GTF2A1L: variants seen among roughly 807,000 people sequenced by gnomAD.
GTF2A1L encodes the protein general transcription factor IIA subunit 1 like.
GTF2A1L carries 48 observed loss-of-function variants against 49.7 expected under a neutral mutation model. The observed-to-expected ratio is 0.97, with a 90% CI of 0.77 to 1.23. The LOEUF is 1.23. GTF2A1L is among the 50% of genes most tolerant of loss of function. GTF2A1L has a pLI of 0.00. For missense variants in GTF2A1L, 736 were observed against 564.8 expected, an observed-to-expected ratio of 1.30 and a Z score of -3.07; for synonymous variants, 246 against 193.5, an observed-to-expected ratio of 1.27 and a Z score of -2.25.
At chr2:48,647,207 T>G in intron 6 of GTF2A1L, 165 bp downstream of exon 6, 2 of 620,170 alleles carry the variant, frequency 3.2e-6, no homozygotes, top group Non-Finnish European at 5.1e-6. Context: ...AATTTTTAAT[T>G]GTGATAAAAT....
Position 48,625,816 on chromosome 2 carries a change from G to A in GTF2A1L, c.247+4526G>A, listed in dbSNP as rs1676260461. Among the ~76,000 whole-genome samples, 3 of 143,274 alleles carry A rather than the reference G, an allele frequency of 2.1e-5. No homozygotes were observed. In the South Asian group the frequency reaches 7.1e-4, roughly 34 times the overall value. The allele number at this position is 143,274 out of a possible 152,430, so 94.0% of individuals were successfully genotyped here. The stretch of plus-strand genomic sequence containing the variant: ...CAGGCTGGTCTTGAACTCTTGGAAT[G>A]AAGCAATCCTCCTGCCTCGGCCTCC... On this transcript the variant is annotated intron_variant, in intron 3 of 8. Coordinates refer to ENST00000403751, the MANE Select transcript of GTF2A1L (RefSeq NM_006872.5).
chr2:48,674,374 C>A (rs1358457712), intron 8 of GTF2A1L, among the ~76,000 whole-genome samples: 1 of 148,516 alleles, frequency 6.7e-6, no homozygotes, highest in African/African-American at 2.5e-5. Flanking sequence ...CATATTTAGC[C>A]TTTTTTTTTT....
rs1364272582 is a variant in GTF2A1L, at chr2:48,646,893, G to A, written c.829G>A (p.Glu277Lys). The A allele has an allele frequency of 3.7e-6, 6 of 1,614,198 alleles. No individual in the cohort carries two copies. The highest frequency in any genetic ancestry group is 3.4e-6 in the Non-Finnish European group (4 of 1,180,036). Residue 277 changes from glutamate to lysine, a missense_variant, in exon 6 of 9, where the codon GAG becomes AAG. Coordinates refer to ENST00000403751, the MANE Select transcript of GTF2A1L (RefSeq NM_006872.5). ...SASMAQNLHD[E>K]SLSTSPHGAL... is the part of the protein sequence containing the mutation. Reference sequence around the variant, plus strand: ...TAGCATGGCTCAAAATCTGCATGATGAGTCCCTCTCCACAAGCCCTCATGG... The same window carrying A: ...TAGCATGGCTCAAAATCTGCATGATAAGTCCCTCTCCACAAGCCCTCATGG...
At chr2:48,642,250 C>G in intron 3 of GTF2A1L, 152 bp from the exon 4 acceptor site, 1 of 683,516 alleles carries the variant, frequency 1.5e-6, no homozygotes, top group East Asian at 3.1e-5. Context: ...AATATAATTA[C>G]TTTTTACCGC....
At chr2:48,668,885 T>C (rs898021738) in intron 6 of GTF2A1L, among the ~76,000 whole-genome samples, 3 of 149,386 alleles carry the variant, frequency 2.0e-5, no homozygotes, top group Non-Finnish European at 4.4e-5. Context: ...AATTAGAAAA[T>C]GCCTATAAAA....
At chr2:48,641,763 G>C (rs1479732980) in intron 3 of GTF2A1L, among the ~76,000 whole-genome samples, 1 of 152,132 alleles carries the variant, frequency 6.6e-6, no homozygotes, top group Non-Finnish European at 1.5e-5. Flanking sequence ...GGTTAGCATA[G>C]AAAACTGGTA....
chr2:48,666,193 G>T (rs35241494), intron 6 of GTF2A1L, among the ~76,000 whole-genome samples: 12,044 of 151,258 alleles, frequency 0.08, 574 homozygotes, highest in Non-Finnish European at 0.11. Flanking sequence ...TATTTAAAGT[G>T]AGTTTCTTTC....
At chr2:48,641,035 G>C (rs1452136722) in intron 3 of GTF2A1L, among the ~76,000 whole-genome samples, 1 of 152,078 alleles carries the variant, frequency 6.6e-6, no homozygotes, top group African/African-American at 2.4e-5. Context: ...TTTAAATATA[G>C]AGAATTATCT....
chr2:48,653,378 A>T (rs1389378063), intron 6 of GTF2A1L, among the ~76,000 whole-genome samples: 1 of 152,166 alleles, frequency 6.6e-6, no homozygotes, highest in African/African-American at 2.4e-5. Context: ...GAACATTTTC[A>T]TTACCTCCCA....
Position 48,645,067 on chromosome 2 carries a change from C to G in GTF2A1L, c.338C>G (p.Pro113Arg). ...AACTCCAGTGCAAACTTTACTTTTC[C>G]TGGTTATCCCATTCATGTACCAGCA... ...TSNSSANFTFPGYPIHVPAGV... is the reference protein window; with the variant it reads ...TSNSSANFTFRGYPIHVPAGV... Residue 113 changes from proline to arginine, a missense_variant, in exon 5 of 9, where the codon CCT (proline) becomes CGT (arginine). Physicochemically the swap from Pro to Arg is moderately radical, Grantham distance 103 (BLOSUM62 -2). Transcript: ENST00000403751. 1 of 1,612,508 alleles carries G rather than the reference C, an allele frequency of 6.2e-7. No individual in the cohort carries two copies. Among genetic ancestry groups the G allele is most frequent in the Non-Finnish European group, 8.5e-7 (1 of 1,179,442 alleles).
At chr2:48,644,408 C>T (rs1022501674) in intron 4 of GTF2A1L, among the ~76,000 whole-genome samples, 3 of 152,106 alleles carry the variant, frequency 2.0e-5, no homozygotes, top group Non-Finnish European at 2.9e-5. Flanking sequence ...AATTGACCTT[C>T]GTGGATGCAG....
chr2:48,668,110 C>T (rs554383687), intron 6 of GTF2A1L, among the ~76,000 whole-genome samples: 50 of 152,244 alleles, frequency 3.3e-4, no homozygotes, highest in Non-Finnish European at 2.2e-4. Context: ...ATGAATTTGC[C>T]TGTTCTAGGT....
intron 6 of GTF2A1L, among the ~76,000 whole-genome samples, chr2:48,667,833 G>A (rs1336845766): frequency 6.6e-6 from 1 of 152,110 alleles, no homozygotes; most frequent in Non-Finnish European, 1.5e-5. Context: ...TTGAGTATAT[G>A]CATATTATTA....
At chr2:48,654,024 C>T (rs11887791) in intron 6 of GTF2A1L, among the ~76,000 whole-genome samples, 7,231 of 150,228 alleles carry the variant, frequency 0.048, 573 homozygotes, top group African/African-American at 0.17. Context: ...AGATGATAAA[C>T]GTATGCTTAT....
intron 8 of GTF2A1L, among the ~76,000 whole-genome samples, chr2:48,676,809 A>G (rs962979763): frequency 1.3e-5 from 2 of 151,478 alleles, no homozygotes; most frequent in Admixed American, 6.6e-5. Flanking sequence ...ATATATATCT[A>G]TATATCTATA....
chr2:48,624,552 G>C (rs1676200011), intron 3 of GTF2A1L, among the ~76,000 whole-genome samples: 1 of 144,034 alleles, frequency 6.9e-6, no homozygotes, highest in Non-Finnish European at 1.6e-5. Flanking sequence ...CTCATTTTAG[G>C]TACTTTTAGT....
chr2:48,624,805 C>CT (rs1676212965), intron 3 of GTF2A1L, among the ~76,000 whole-genome samples: 1 of 141,274 alleles, frequency 7.1e-6, no homozygotes, highest in Non-Finnish European at 1.6e-5. Context: ...CAATACTTTT[C>CT]TTTTTGTGTC....
rs139899684 is a variant in GTF2A1L, at chr2:48,654,746, C to T, written c.978+7704C>T. 6.4e-4 allele frequency among the ~76,000 whole-genome samples: 98 copies of T among 152,248 alleles called. 1 individual carries two copies. The highest frequency in any genetic ancestry group is 2.3e-3 in the African/African-American group (94 of 41,546). The stretch of plus-strand genomic sequence containing the variant: ...TAGCATTGTTTGTTAAAAAGACTGC[C>T]TTGTCTCACTGAGTTAGCTGTCTGT... On this transcript the variant is annotated intron_variant, in intron 6 of 8. Transcript: ENST00000403751.
At chr2:48,631,369 A>G (rs1361475546) in intron 3 of GTF2A1L, among the ~76,000 whole-genome samples, 1 of 152,092 alleles carries the variant, frequency 6.6e-6, no homozygotes, top group Non-Finnish European at 1.5e-5. Flanking sequence ...TTATGTTTCT[A>G]GGAATTTATC....
Sources: allele counts gnomAD v4.1 joint callset (sites outside exome capture counted in the v4.1 genomes callset), GRCh38; gene constraint gnomAD v4.1.1; transcripts MANE v1.5; gene names NCBI Gene and HGNC (gene_info 2026-07-23, HGNC 2026-07-21).